The following AASS variants were observed in gnomAD, a reference collection of about 807,000 sequenced individuals.
AASS encodes the protein alpha-aminoadipic semialdehyde synthase, mitochondrial.
A neutral mutation model predicts 105.4 loss-of-function variants in AASS; 86 were observed. That is an observed-to-expected ratio of 0.82 (90% CI 0.69 to 0.98). The LOEUF is 0.98. Ranked by LOEUF, AASS falls within the 50% of genes least tolerant of loss-of-function variation. The pLI is 0.00. For missense variants in AASS, 1,048 were observed against 1,143.2 expected (o/e 0.92, Z 1.20); for synonymous variants, 381 against 394.8 (o/e 0.96, Z 0.41).
rs1052178696 is a variant in AASS, at chr7:122,082,835, A to G, written c.2185-1240T>C. The G allele has an allele frequency of 1.9e-5, 24 of 1,289,540 alleles. No individual in the cohort carries two copies. In the African/African-American group the frequency reaches 3.5e-4, roughly 19 times the overall value. The allele number at this position is 1,289,540 out of a possible 1,614,324, so 79.9% of individuals were successfully genotyped here. A position where few individuals can be genotyped will look rare whatever the true frequency, so the allele number is the denominator to read the frequency against. On this transcript the variant is annotated intron_variant, in intron 19 of 23. Transcript: ENST00000417368. ...AGGGGAAGGAGTTAGGGAGGATACCATAGGAAGGTATTCAACATTATTCAA... is the reference window on the plus strand; with the variant it reads ...AGGGGAAGGAGTTAGGGAGGATACCGTAGGAAGGTATTCAACATTATTCAA...
Position 122,074,777 on chromosome 7 carries a change from G to A in AASS, c.*1712C>T, listed in dbSNP as rs963521437. 6.6e-6 allele frequency among the ~76,000 whole-genome samples: 1 copy of A among 152,172 alleles called. No homozygotes were observed. The highest frequency in any genetic ancestry group is 1.5e-5 in the Non-Finnish European group (1 of 68,012). On this transcript the variant is annotated 3_prime_UTR_variant, in exon 24 of 24. Coordinates refer to ENST00000417368, the MANE Select transcript of AASS (RefSeq NM_005763.4). ...GTCTTAGCACTATTTTCAAAAGTCAGTTGATGATAAATGTGATCAATATTT... is the reference window on the plus strand; with the variant it reads ...GTCTTAGCACTATTTTCAAAAGTCAATTGATGATAAATGTGATCAATATTT...
At chr7:122,081,796 A>G (rs1793342772) in intron 19 of AASS, 1 of 574,098 alleles carries the variant, frequency 1.7e-6, no homozygotes, top group Non-Finnish European at 3.1e-6. Flanking sequence ...CAACCCACCA[A>G]AAAAGTATTG....
At chr7:122,125,695 C>G (rs1488618064) in intron 4 of AASS, among the ~76,000 whole-genome samples, 1 of 152,210 alleles carries the variant, frequency 6.6e-6, no homozygotes, top group East Asian at 1.9e-4. Context: ...GGAAGAGGAA[C>G]AGGCTATGAC....
chr7:122,111,853 G>A (rs951718168), intron 11 of AASS, among the ~76,000 whole-genome samples: 7 of 152,140 alleles, frequency 4.6e-5, no homozygotes, highest in African/African-American at 9.6e-5. Flanking sequence ...GCAGTGAGCC[G>A]CAATTGCATC....
chr7:122,117,927 A>G (rs1394540165), intron 6 of AASS, among the ~76,000 whole-genome samples: 2 of 152,146 alleles, frequency 1.3e-5, no homozygotes, highest in African/African-American at 4.8e-5. Context: ...AAGCACTGGG[A>G]TTATAGGTGT....
At chr7:122,116,536 T>C in intron 8 of AASS, 97 bp downstream of exon 8, 1 of 1,507,628 alleles carries the variant, frequency 6.6e-7, no homozygotes, top group Non-Finnish European at 9.2e-7. Context: ...ACAGGAAAAC[T>C]GAAAGCCATT....
At chr7:122,112,998 G>T in intron 11 of AASS, 120 bp downstream of exon 11, 1 of 804,538 alleles carries the variant, frequency 1.2e-6, no homozygotes, top group Non-Finnish European at 2.1e-6. Flanking sequence ...TTTCAGGGAA[G>T]GGCTGGCATT....
At position 122,077,743 on chromosome 7, in the gene AASS, T is replaced by C. The variant is rs1034958206; in HGVS notation, c.2662+95A>G. The C allele has an allele frequency of 1.9e-5, 28 of 1,460,950 alleles. No homozygotes were observed. In the African/African-American group the frequency reaches 3.8e-4, roughly 20 times the overall value. 90.5% of individuals were successfully genotyped at this position (1,460,950 alleles called of 1,614,324 possible). On this transcript the variant is annotated intron_variant, in intron 23 of 23. Transcript: ENST00000417368. ...AGATGGTTCACTTTTAGTAAATGCC[T>C]GTGTTACGCTCAAGAGCAATTACTT...
rs1795038108 is a variant in AASS, at chr7:122,113,696, T to C, written c.1068A>G (p.Ser356=). 14 of 1,613,314 alleles carry C rather than the reference T, an allele frequency of 8.7e-6. No homozygotes were observed. The East Asian group carries it at 2.9e-4, about 33-fold the overall frequency. Residue 356 remains serine, a synonymous_variant, in exon 10 of 24, where the codon TCA becomes TCG. Coordinates refer to ENST00000417368, the MANE Select transcript of AASS (RefSeq NM_005763.4). The part of the protein sequence containing the change: ...PHKLVAICDI[S]ADTGGSIEFM... Reference sequence around the variant, plus strand: ...ACTCTATAGACCCTCCTGTGTCAGCTGAAATGTCACATATTGCCACGAGTC... The same window carrying C: ...ACTCTATAGACCCTCCTGTGTCAGCCGAAATGTCACATATTGCCACGAGTC...
intron 11 of AASS, among the ~76,000 whole-genome samples, chr7:122,102,713 G>A (rs1029151590): frequency 2.0e-5 from 3 of 151,930 alleles, no homozygotes; most frequent in Non-Finnish European, 4.4e-5. Flanking sequence ...CTGAATTTAG[G>A]TGAATTTCTC....
rs774114174 is a variant in AASS, at chr7:122,133,744, G to C, written c.-15-3C>G. 7 of 1,612,676 alleles carry C rather than the reference G, an allele frequency of 4.3e-6. No homozygotes were observed. In the South Asian group the frequency reaches 7.7e-5, roughly 18 times the overall value. On this transcript the variant is annotated splice_region_variant and splice_polypyrimidine_tract_variant and intron_variant, in intron 1 of 23. Transcript: ENST00000417368. Reference sequence around the variant, plus strand: ...TGCAGCATCTTGACACCTGGTGACTGTAAAGACAATGTAAAGAGCAGAGCA... The same window carrying C: ...TGCAGCATCTTGACACCTGGTGACTCTAAAGACAATGTAAAGAGCAGAGCA...
At position 122,098,872 on chromosome 7, in the gene AASS, T is replaced by TAAAA. The variant is rs34474265; in HGVS notation, c.1407-10_1407-7dup. 3.6e-4 allele frequency: 422 copies of TAAAA among 1,166,318 alleles called. No homozygotes were observed. The highest frequency in any genetic ancestry group is 1.4e-3 in the South Asian group (74 of 53,102). The allele number at this position is 1,166,318 out of a possible 1,614,324, so 72.2% of individuals were successfully genotyped here. A position where few individuals can be genotyped will look rare whatever the true frequency, so the allele number is the denominator to read the frequency against. ...AAAGTGACTGAGCACGTTCCCTATT[T>TAAAA]AAAAAAAAAAAAAAAAAAAAAAAAG... On this transcript the variant is annotated splice_region_variant and splice_polypyrimidine_tract_variant and intron_variant, in intron 13 of 23. Coordinates refer to ENST00000417368, the MANE Select transcript of AASS (RefSeq NM_005763.4).
chr7:122,085,875 C>A (rs1238168669), intron 19 of AASS, 137 bp downstream of exon 19: 1 of 949,570 alleles, frequency 1.1e-6, no homozygotes, highest in Non-Finnish European at 1.6e-6. Context: ...AATATTCAAT[C>A]AATCATAAGA....
intron 8 of AASS, 121 bp from the exon 9 acceptor site, chr7:122,115,343 C>CT: frequency 7.6e-7 from 1 of 1,309,834 alleles, no homozygotes. Flanking sequence ...AATTGATTTT[C>CT]TTATTGTCCA....
At chr7:122,140,710 A>C (rs569341411) in intron 1 of AASS, among the ~76,000 whole-genome samples, 1 of 152,064 alleles carries the variant, frequency 6.6e-6, no homozygotes, top group African/African-American at 2.4e-5. Flanking sequence ...AACCAAAACT[A>C]TCAAATCACA....
At chr7:122,106,040 T>A (rs1474127122) in intron 11 of AASS, among the ~76,000 whole-genome samples, 1 of 152,110 alleles carries the variant, frequency 6.6e-6, no homozygotes, top group Non-Finnish European at 1.5e-5. Context: ...TGTGTTGAAA[T>A]GCTAGTGATT....
intron 15 of AASS, 87 bp from the exon 16 acceptor site, chr7:122,093,245 A>G (rs979551880): frequency 3.1e-6 from 3 of 966,964 alleles, no homozygotes; most frequent in Non-Finnish European, 5.0e-6. Flanking sequence ...CTGCATCTTA[A>G]GGTACTGTTC....
chr7:122,126,819 A>G (rs994783402), intron 3 of AASS, among the ~76,000 whole-genome samples: 1 of 152,134 alleles, frequency 6.6e-6, no homozygotes, highest in African/African-American at 2.4e-5. Context: ...CTGGTCAAAT[A>G]AAACAGATCC....
At chr7:122,124,284 T>G (rs1022075189) in intron 4 of AASS, among the ~76,000 whole-genome samples, 1 of 152,034 alleles carries the variant, frequency 6.6e-6, no homozygotes, top group Non-Finnish European at 1.5e-5. Context: ...TTTTGTGTGT[T>G]TGTTTGTTTG....
Sources: allele counts gnomAD v4.1 joint callset (sites outside exome capture counted in the v4.1 genomes callset), GRCh38; gene constraint gnomAD v4.1.1; transcripts MANE v1.5; gene names NCBI Gene and HGNC (gene_info 2026-07-23, HGNC 2026-07-21).